PCDH15: variants seen among roughly 807,000 people sequenced by gnomAD.
PCDH15 encodes the protein protocadherin related 15.
Under a neutral mutation model 178.5 loss-of-function variants are expected in PCDH15, and 129 were observed. The observed-to-expected ratio is 0.72, with a 90% CI of 0.63 to 0.84. PCDH15 has a LOEUF of 0.84. PCDH15 is among the 40% of genes least tolerant of loss of function. The pLI is 0.00. For missense variants in PCDH15, 2,230 were observed against 2,099.9 expected, an observed-to-expected ratio of 1.06 and a Z score of -1.21; for synonymous variants, 800 against 732.0, an observed-to-expected ratio of 1.09 and a Z score of -1.50.
chr10:54,254,001 TTA>T lies in PCDH15; in HGVS notation c.877-17072_877-17071del, dbSNP rs561515367. On this transcript the variant is annotated intron_variant, in intron 8 of 37. Transcript: ENST00000644397. ...TTTAGGAAAAATACACTAGCAGTAA[TTA>T]TATTCTTTGCAGAAACATTTCTGAA... Among the ~76,000 whole-genome samples the T allele has an allele frequency of 2.3e-3, 355 of 152,204 alleles. 1 individual carries two copies. Among genetic ancestry groups the T allele is most frequent in the African/African-American group, 8.0e-3 (334 of 41,558 alleles).
intron 32 of PCDH15, among the ~76,000 whole-genome samples, chr10:53,827,059 T>C (rs1257246623): frequency 6.6e-6 from 1 of 151,594 alleles, no homozygotes; most frequent in East Asian, 1.9e-4. Flanking sequence ...TATATATTTA[T>C]ACATATATAC....
At chr10:54,272,673 A>G (rs2058118294) in intron 8 of PCDH15, among the ~76,000 whole-genome samples, 1 of 152,142 alleles carries the variant, frequency 6.6e-6, no homozygotes, top group African/African-American at 2.4e-5. Flanking sequence ...CTGAGCATAC[A>G]GACACTTCAT....
chr10:55,309,898 A>G (rs895273337), intron 1 of PCDH15, among the ~76,000 whole-genome samples: 4 of 152,120 alleles, frequency 2.6e-5, no homozygotes, highest in Admixed American at 6.6e-5. Flanking sequence ...ACTGCTCTTC[A>G]TGTTGCTTGA....
At chr10:55,448,061 A>G (rs756495153) in intron 2 of PCDH15, among the ~76,000 whole-genome samples, 1 of 152,038 alleles carries the variant, frequency 6.6e-6, no homozygotes, top group Non-Finnish European at 1.5e-5. Context: ...ATTTTATGGT[A>G]CTATTCAACA....
chr10:54,913,220 A>G (rs1954847346), intron 2 of PCDH15, among the ~76,000 whole-genome samples: 3 of 152,194 alleles, frequency 2.0e-5, no homozygotes, highest in Admixed American at 2.0e-4. Flanking sequence ...AACTTGTGGC[A>G]GCCCCTCCCA....
chr10:54,204,984 C>T (rs1213920726), intron 10 of PCDH15, among the ~76,000 whole-genome samples: 2 of 152,048 alleles, frequency 1.3e-5, no homozygotes, highest in Admixed American at 1.3e-4. Context: ...TGCTGTATTG[C>T]TTATTTGTTT....
chr10:55,564,007 T>C (rs1310602673), intron 2 of PCDH15, among the ~76,000 whole-genome samples: 1 of 151,902 alleles, frequency 6.6e-6, no homozygotes, highest in Non-Finnish European at 1.5e-5. Context: ...GGTAAACGCA[T>C]GGACAATATA....
intron 2 of PCDH15, among the ~76,000 whole-genome samples, chr10:55,473,794 T>C (rs1840011763): frequency 6.6e-6 from 1 of 152,186 alleles, no homozygotes; most frequent in African/African-American, 2.4e-5. Flanking sequence ...AATTTTCACT[T>C]GTTGAACACT....
At chr10:54,676,461 A>AT (rs1193255304) in intron 1 of PCDH15, among the ~76,000 whole-genome samples, 1 of 152,150 alleles carries the variant, frequency 6.6e-6, no homozygotes, top group Non-Finnish European at 1.5e-5. Flanking sequence ...ACTAAGTATG[A>AT]TTTTAATATT....
intron 1 of PCDH15, among the ~76,000 whole-genome samples, chr10:55,211,883 T>C (rs971919517): frequency 6.6e-6 from 1 of 152,092 alleles, no homozygotes; most frequent in African/African-American, 2.4e-5. Flanking sequence ...TATGCAGATA[T>C]TGAAGGTAAA....
At chr10:54,981,764 AC>A (rs1348387703) in intron 2 of PCDH15, among the ~76,000 whole-genome samples, 1 of 151,152 alleles carries the variant, frequency 6.6e-6, no homozygotes. Flanking sequence ...TTTTCCTGGA[AC>A]CCCCCACCTC....
At chr10:53,838,938 C>T (rs1011418751) in intron 29 of PCDH15, among the ~76,000 whole-genome samples, 2 of 151,936 alleles carry the variant, frequency 1.3e-5, no homozygotes, top group African/African-American at 4.8e-5. Context: ...GGCACGGTGG[C>T]TCACACCTGT....
chr10:55,436,514 T>G (rs1589026008), intron 2 of PCDH15, among the ~76,000 whole-genome samples: 1 of 152,116 alleles, frequency 6.6e-6, no homozygotes, highest in South Asian at 2.1e-4. Flanking sequence ...TTTAATTTTG[T>G]TTTCTCTTGG....
At chr10:55,069,251 T>G (rs1280693878) in intron 2 of PCDH15, among the ~76,000 whole-genome samples, 3 of 31,986 alleles carry the variant, frequency 9.4e-5, no homozygotes, top group South Asian at 1.1e-3. Context: ...GTATTTTGTT[T>G]TTTTTTTTTT....
rs757199776 is a variant in PCDH15 at position 53,807,139 on chromosome 10, A to G, written c.4672-9T>C. On this transcript the variant is annotated splice_polypyrimidine_tract_variant and intron_variant, in intron 37 of 37. Transcript: ENST00000644397. ...ATTCTTTTTCTTGCCCACTGATAAA[A>G]TAAACAAAAATATGTGAGTCACTAT... The G allele has an allele frequency of 5.1e-6, 8 of 1,568,668 alleles. No individual in the cohort carries two copies. In the East Asian group the frequency reaches 1.8e-4, roughly 35 times the overall value.
chr10:55,118,290 C>T (rs1036789503), intron 2 of PCDH15, among the ~76,000 whole-genome samples: 1 of 152,188 alleles, frequency 6.6e-6, no homozygotes, highest in African/African-American at 2.4e-5. Context: ...TAGGTAGACA[C>T]TGTTGAATCT....
chr10:54,203,144 G>T (rs555442504), intron 10 of PCDH15, among the ~76,000 whole-genome samples: 9 of 152,164 alleles, frequency 5.9e-5, no homozygotes, highest in Non-Finnish European at 1.5e-5. Context: ...CACGCCAGAA[G>T]ATTTGGAGTC....
intron 8 of PCDH15, among the ~76,000 whole-genome samples, chr10:54,269,494 A>T (rs1355924276): frequency 6.6e-6 from 1 of 152,010 alleles, no homozygotes; most frequent in African/African-American, 2.4e-5. Context: ...ATTTTCCTGT[A>T]TCTGTCAAGC....
chr10:54,118,388 T>C (rs2095153385), intron 15 of PCDH15, among the ~76,000 whole-genome samples: 1 of 152,108 alleles, frequency 6.6e-6, no homozygotes, highest in Non-Finnish European at 1.5e-5. Flanking sequence ...CGGCTGGGTG[T>C]GGTGGCTCAC....
Sources: gnomAD v4.1 joint callset for allele counts (sites outside exome capture counted in the v4.1 genomes callset) on GRCh38, gnomAD v4.1.1 for gene constraint, MANE v1.5 for transcripts, NCBI Gene and HGNC (gene_info 2026-07-23, HGNC 2026-07-21) for gene names.